Variants in NPAS3 observed in about 807,000 individuals in gnomAD.
NPAS3 encodes the protein neuronal PAS domain-containing protein 3.
In NPAS3, 14 loss-of-function variants were observed where a neutral mutation model predicts 73.1. The ratio of observed to expected loss-of-function variants is 0.19; its 90% CI spans 0.13 to 0.30. The LOEUF is 0.30. Ranked by LOEUF, NPAS3 falls within the 10% of genes least tolerant of loss-of-function variation. NPAS3 has a pLI of 1.00. For missense variants in NPAS3, 1,096 were observed against 1,250.0 expected, an observed-to-expected ratio of 0.88 and a Z score of 1.86; for synonymous variants, 620 against 541.5, an observed-to-expected ratio of 1.14 and a Z score of -2.01.
At chr14:33,292,699 T>C (rs1186378624) in intron 3 of NPAS3, among the ~76,000 whole-genome samples, 2 of 152,100 alleles carry the variant, frequency 1.3e-5, no homozygotes, top group African/African-American at 2.4e-5. Flanking sequence ...AAGTAGAACT[T>C]CTTTAGTTGT....
chr14:33,618,109 G>A (rs938025140), intron 5 of NPAS3, among the ~76,000 whole-genome samples: 2 of 152,040 alleles, frequency 1.3e-5, no homozygotes, highest in South Asian at 2.1e-4. Flanking sequence ...TGAACAGAGA[G>A]GTATCAAATC....
chr14:33,169,301 C>G (rs925204172), intron 2 of NPAS3, among the ~76,000 whole-genome samples: 1 of 152,206 alleles, frequency 6.6e-6, no homozygotes, highest in Non-Finnish European at 1.5e-5. Context: ...GGCACGATGG[C>G]TCATGCCTGT....
chr14:33,202,707 CT>C (rs34502647), intron 2 of NPAS3, among the ~76,000 whole-genome samples: 55,598 of 146,266 alleles, frequency 0.38, 10,853 homozygotes, highest in East Asian at 0.54. Flanking sequence ...ATATTCATGT[CT>C]TTTTTTTTTT....
chr14:33,337,439 A>G (rs1037061604), intron 3 of NPAS3, among the ~76,000 whole-genome samples: 4 of 152,096 alleles, frequency 2.6e-5, no homozygotes, highest in African/African-American at 9.7e-5. Flanking sequence ...CTCTTGTTCT[A>G]TTGACATATG....
upstream of NPAS3, chr14:32,935,045 G>C (rs894769395): frequency 3.0e-4 from 355 of 1,193,490 alleles, no homozygotes; most frequent in Non-Finnish European, 3.6e-4. Context: ...CCCCGCCCCG[G>C]GGTGCTGGGG....
intron 4 of NPAS3, among the ~76,000 whole-genome samples, chr14:33,376,265 A>G (rs1041957341): frequency 6.6e-6 from 1 of 152,198 alleles, no homozygotes; most frequent in Non-Finnish European, 1.5e-5. Flanking sequence ...AGGAAATATT[A>G]TATAGTTGTA....
Position 33,304,396 on chromosome 14 carries a change from T to C in NPAS3, c.386-62790T>C, listed in dbSNP as rs199904986. Among the ~76,000 whole-genome samples, 4 of 152,102 alleles carry C rather than the reference T, an allele frequency of 2.6e-5. No individual in the cohort carries two copies. In the East Asian group the frequency reaches 5.8e-4, roughly 22 times the overall value. ...TCAGCTTAATGTTACTCATAGAAAG[T>C]TGGTCCTCAAACACAATCCTATTTT... On this transcript the variant is annotated intron_variant, in intron 3 of 11. Coordinates refer to ENST00000356141, the Ensembl canonical transcript of NPAS3.
At chr14:33,557,587 C>T (rs2055417249) in intron 4 of NPAS3, among the ~76,000 whole-genome samples, 1 of 152,170 alleles carries the variant, frequency 6.6e-6, no homozygotes, top group South Asian at 2.1e-4. Flanking sequence ...GTTATTAAGT[C>T]CCACTGCCAA....
intron 3 of NPAS3, among the ~76,000 whole-genome samples, chr14:33,358,477 A>G (rs1053765238): frequency 2.0e-5 from 3 of 152,076 alleles, no homozygotes; most frequent in African/African-American, 7.3e-5. Flanking sequence ...CCTTGCCTTC[A>G]TGTCTGATCA....
intron 5 of NPAS3, among the ~76,000 whole-genome samples, chr14:33,657,376 GGGAACTATAATGATGAATA>G (rs1276056441): frequency 6.6e-6 from 1 of 152,094 alleles, no homozygotes; most frequent in East Asian, 1.9e-4. Flanking sequence ...TAGGTGTCTT[GGGAACTATAATGATGAATA>G]GGATATCATC....
At chr14:33,604,320 A>G (rs2057488971) in intron 5 of NPAS3, among the ~76,000 whole-genome samples, 1 of 127,098 alleles carries the variant, frequency 7.9e-6, no homozygotes. Context: ...TAAATATATG[A>G]AAAAAACTGT....
intron 3 of NPAS3, among the ~76,000 whole-genome samples, chr14:33,273,900 A>G (rs574141038): frequency 1.3e-5 from 2 of 152,260 alleles, no homozygotes; most frequent in South Asian, 4.2e-4. Context: ...AATCTGGTTG[A>G]CTATACTGAT....
At chr14:33,310,314 AG>A (rs2042949391) in intron 3 of NPAS3, among the ~76,000 whole-genome samples, 1 of 150,584 alleles carries the variant, frequency 6.6e-6, no homozygotes, top group African/African-American at 2.4e-5. Context: ...AAAAAAAAAA[AG>A]TATAGCTTAA....
chr14:33,752,613 A>C (rs1393571461), intron 7 of NPAS3, among the ~76,000 whole-genome samples: 1 of 152,226 alleles, frequency 6.6e-6, no homozygotes, highest in Non-Finnish European at 1.5e-5. Context: ...ATATGCATTC[A>C]TAAATTTTGA....
At chr14:33,123,145 A>G (rs944517839) in intron 2 of NPAS3, among the ~76,000 whole-genome samples, 1 of 152,112 alleles carries the variant, frequency 6.6e-6, no homozygotes, top group Non-Finnish European at 1.5e-5. Flanking sequence ...TATTTTATGT[A>G]GAAGATAAAG....
chr14:33,028,257 T>G (rs1260858388), intron 1 of NPAS3, among the ~76,000 whole-genome samples: 1 of 152,206 alleles, frequency 6.6e-6, no homozygotes, highest in Non-Finnish European at 1.5e-5. Context: ...GAAAAAACAT[T>G]GAGATCTTTT....
chr14:33,024,017 T>C (rs2039704721), intron 1 of NPAS3, among the ~76,000 whole-genome samples: 1 of 152,182 alleles, frequency 6.6e-6, no homozygotes, highest in Non-Finnish European at 1.5e-5. Flanking sequence ...CCAGACACTT[T>C]AGTTTGTTTT....
intron 7 of NPAS3, among the ~76,000 whole-genome samples, chr14:33,738,300 G>T (rs755638369): frequency 6.6e-6 from 1 of 152,138 alleles, no homozygotes; most frequent in Non-Finnish European, 1.5e-5. Flanking sequence ...TGTCCGCTTG[G>T]CCCCTCTGCT....
At chr14:33,646,865 T>G (rs1328362552) in intron 5 of NPAS3, among the ~76,000 whole-genome samples, 1 of 152,014 alleles carries the variant, frequency 6.6e-6, no homozygotes, top group African/African-American at 2.4e-5. Flanking sequence ...TTTTTACCTC[T>G]GTGGATCCAG....
Sources: gnomAD v4.1 joint callset for allele counts (sites outside exome capture counted in the v4.1 genomes callset) on GRCh38, gnomAD v4.1.1 for gene constraint, MANE v1.5 for transcripts, NCBI Gene and HGNC (gene_info 2026-07-23, HGNC 2026-07-21) for gene names.